The following DENND3 variants were observed in gnomAD, a reference collection of about 807,000 sequenced individuals.
DENND3 encodes the protein DENN domain-containing protein 3.
A neutral mutation model predicts 135.1 loss-of-function variants in DENND3; 88 were observed. The ratio of observed to expected loss-of-function variants is 0.65; its 90% CI spans 0.55 to 0.78. DENND3 has a LOEUF of 0.78. Ranked by LOEUF, DENND3 falls within the 30% of genes least tolerant of loss-of-function variation. DENND3 has a pLI of 0.00. For synonymous variants in DENND3, 693 were observed against 712.3 expected, an observed-to-expected ratio of 0.97 and a Z score of 0.43; for missense variants, 1,392 against 1,688.4, an observed-to-expected ratio of 0.82 and a Z score of 3.08.
rs757432699 is a variant in DENND3, at chr8:141,128,857, C to G, written c.102+48C>G. On this transcript the variant is annotated intron_variant, in intron 1 of 22. Coordinates refer to ENST00000519811, the MANE Select transcript of DENND3 (RefSeq NM_001352890.3). This position sits in a 1 kb window ranked among gnomAD's most constrained non-coding sequence, Gnocchi z 4.5. Reference sequence around the variant, plus strand: ...CGGACGTGGGCCACGAGTCGGCAGCCGGGACAGCAGTCGGAGAGCGGGCGC... The same window carrying G: ...CGGACGTGGGCCACGAGTCGGCAGCGGGGACAGCAGTCGGAGAGCGGGCGC... 15 of 1,311,570 alleles carry G rather than the reference C, an allele frequency of 1.1e-5. No individual in the cohort carries two copies. The South Asian group carries it at 2.2e-4, about 19-fold the overall frequency. The allele number at this position is 1,311,570 out of a possible 1,614,324, so 81.2% of individuals were successfully genotyped here. A position where few individuals can be genotyped will look rare whatever the true frequency, so the allele number is the denominator to read the frequency against.
At position 141,194,015 on chromosome 8, in the gene DENND3, C is replaced by T. The variant is rs1319836316; in HGVS notation, c.3637-18C>T. 1.9e-6 allele frequency: 3 copies of T among 1,611,580 alleles called. No individual in the cohort carries two copies. Among genetic ancestry groups the T allele is most frequent in the South Asian group, 2.2e-5 (2 of 90,456 alleles). On this transcript the variant is annotated intron_variant, in intron 22 of 22. Transcript: ENST00000519811. ...GGGGCTTCTTTCCCTGCTGACCCCTCCCGTTTCTCCCTGGCAGGTCTGGGT... is the reference window on the plus strand; with the variant it reads ...GGGGCTTCTTTCCCTGCTGACCCCTTCCGTTTCTCCCTGGCAGGTCTGGGT...
At position 141,182,281 on chromosome 8, in the gene DENND3, G is replaced by T; in HGVS notation, c.2944+1427G>T. On this transcript the variant is annotated intron_variant, in intron 17 of 22. Coordinates refer to ENST00000519811, the MANE Select transcript of DENND3 (RefSeq NM_001352890.3). The surrounding 1 kb of genome is among the most constrained non-coding windows in gnomAD (Gnocchi z 5.9). ...GGTGGGCAGAGAAGCTGTGTGTGAAGCGATTTCCCCATAAGAGAGTTTTTC... is the reference window on the plus strand; with the variant it reads ...GGTGGGCAGAGAAGCTGTGTGTGAATCGATTTCCCCATAAGAGAGTTTTTC... 1 of 984,640 alleles carries T rather than the reference G, an allele frequency of 1.0e-6. No individual in the cohort carries two copies. Among genetic ancestry groups the T allele is most frequent in the Non-Finnish European group, 1.2e-6 (1 of 829,274 alleles). The allele number at this position is 984,640 out of a possible 1,614,324, so 61.0% of individuals were successfully genotyped here. A position where few individuals can be genotyped will look rare whatever the true frequency, so the allele number is the denominator to read the frequency against.
At position 141,189,075 on chromosome 8, in the gene DENND3, C is replaced by T; in HGVS notation, c.3174C>T (p.Cys1058=). The T allele has an allele frequency of 6.2e-7, 1 of 1,614,200 alleles. No individual in the cohort carries two copies. Among genetic ancestry groups the T allele is most frequent in the Non-Finnish European group, 8.5e-7 (1 of 1,180,032 alleles). Residue 1058 remains cysteine, a synonymous_variant, in exon 19 of 23, where the codon TGC becomes TGT. Transcript: ENST00000519811. ...TCATCAACGTCCACAGCATGTCCTG[C>T]AACAAGCAGCTCACAGCCCACTGCT... ...IYIINVHSMS[C]NKQLTAHCSS...
intron 17 of DENND3, among the ~76,000 whole-genome samples, chr8:141,183,699 C>G (rs936082668): frequency 6.7e-6 from 1 of 149,712 alleles, no homozygotes; most frequent in African/African-American, 2.5e-5. Context: ...TGAGAAGCCA[C>G]TGAAGACGTC....
intron 1 of DENND3, 122 bp from the exon 2 acceptor site, chr8:141,136,387 A>T: frequency 9.6e-7 from 1 of 1,041,570 alleles, no homozygotes; most frequent in Non-Finnish European, 1.3e-6. Context: ...TAGGAGCCTG[A>T]GGCGCCAGTG....
intron 17 of DENND3, 78 bp from the exon 18 acceptor site, chr8:141,185,061 C>G (rs1823716513): frequency 6.5e-7 from 1 of 1,544,556 alleles, no homozygotes; most frequent in Non-Finnish European, 8.8e-7. Context: ...CAGGAGGCAC[C>G]TGAGTAAGGG....
At chr8:141,170,664 G>A (rs1444303553) in intron 13 of DENND3, among the ~76,000 whole-genome samples, 2 of 152,202 alleles carry the variant, frequency 1.3e-5, no homozygotes, top group African/African-American at 4.8e-5. Flanking sequence ...GGCGGGGTGG[G>A]CCCCACTTCC....
chr8:141,192,405 A>C lies in DENND3; in HGVS notation c.3454A>C (p.Lys1152Gln), dbSNP rs1409556817. The change falls in exon 21 of 23, where the codon AAA becomes CAA. Residue 1152 changes from lysine (K) to glutamine (Q), a missense_variant. Lys to Gln is a moderately conservative substitution (Grantham distance 53, BLOSUM62 1). Coordinates refer to ENST00000519811, the MANE Select transcript of DENND3 (RefSeq NM_001352890.3). ...AGAATTGAAGATTGAGGAGAACTTCAAAGACACCAGTACCTCCTTCCTGGC... is the reference window on the plus strand; with the variant it reads ...AGAATTGAAGATTGAGGAGAACTTCCAAGACACCAGTACCTCCTTCCTGGC... ...HQELKIEENFKDTSTSFLAFQ... is the reference protein window; with the variant it reads ...HQELKIEENFQDTSTSFLAFQ... 6.2e-7 allele frequency: 1 copy of C among 1,614,140 alleles called. No homozygotes were observed. The highest frequency in any genetic ancestry group is 1.3e-5 in the African/African-American group (1 of 74,954).
chr8:141,190,449 C>T (rs1232317420), intron 20 of DENND3, 32 bp downstream of exon 20: 2 of 1,577,756 alleles, frequency 1.3e-6, no homozygotes, highest in Admixed American at 3.5e-5. Context: ...AGAGCGGGCA[C>T]CCTACCTCCC....
rs1408090011 is a variant in DENND3 at position 141,189,134 on chromosome 8, A to G, written c.3233A>G (p.Gln1078Arg). ...ACGGATTTGATTGTGCAGGACGGAC[A>G]GGAGGCACCCAGGTGCAGTAAGCTC... The part of the protein sequence containing the change: ...SVTDLIVQDG[Q>R]EAPSNVYSCS... The change falls in exon 19 of 23, where the codon CAG becomes CGG. Residue 1078 changes from glutamine (Q) to arginine (R), a missense_variant. Gln to Arg is a conservative substitution (Grantham distance 43). Transcript: ENST00000519811. The G allele has an allele frequency of 2.5e-6, 4 of 1,614,104 alleles. No homozygotes were observed. Among genetic ancestry groups the G allele is most frequent in the Non-Finnish European group, 3.4e-6 (4 of 1,180,032 alleles).
Position 141,189,002 on chromosome 8 carries a change from C to A in DENND3, c.3101C>A (p.Ala1034Asp), listed in dbSNP as rs960606744. ...GTAKVNCMVM[A>D]DQNQVWVGSE... is the part of the protein sequence containing the mutation. The stretch of plus-strand genomic sequence containing the variant: ...TCCTGTTAGAACTGCATGGTGATGG[C>A]CGACCAGAACCAGGTGTGGGTTGGC... Residue 1034 changes from alanine (A) to aspartate (D), a missense_variant, in exon 19 of 23, where the codon GCC becomes GAC. By Grantham distance (126) the Ala-to-Asp change is moderately radical (BLOSUM62 -2). Coordinates refer to ENST00000519811, the MANE Select transcript of DENND3 (RefSeq NM_001352890.3). 2.5e-6 allele frequency: 4 copies of A among 1,613,646 alleles called. No homozygotes were observed. In the African/African-American group the frequency reaches 5.3e-5, roughly 22 times the overall value.
intron 9 of DENND3, 87 bp downstream of exon 9, chr8:141,160,874 G>A (rs1820054898): frequency 6.6e-7 from 1 of 1,507,130 alleles, no homozygotes; most frequent in East Asian, 2.3e-5. Context: ...GCCCCAGAGG[G>A]CAGGCCATTA....
intron 20 of DENND3, chr8:141,190,632 C>G (rs2288997): frequency 1.1e-5 from 7 of 620,702 alleles, no homozygotes; most frequent in Non-Finnish European, 1.8e-5. Context: ...TTCTACCCAG[C>G]GGCTGACGGG....
At chr8:141,145,833 ATATATATATATATATATGTATTTTT>A (rs1369054779) in intron 5 of DENND3, among the ~76,000 whole-genome samples, 10 of 32,078 alleles carry the variant, frequency 3.1e-4, no homozygotes, top group African/African-American at 1.9e-3. Context: ...ATATATATAT[ATATATATATATATATATGTATTTTT>A]TTTTTTTTGA....
intron 1 of DENND3, among the ~76,000 whole-genome samples, chr8:141,135,446 C>T (rs1055812282): frequency 9.2e-5 from 14 of 152,228 alleles, no homozygotes; most frequent in Admixed American, 6.5e-5. Flanking sequence ...GCCACTGCAC[C>T]CGGCAATGCT....
chr8:141,161,227 G>A (rs989743894), intron 9 of DENND3, among the ~76,000 whole-genome samples: 23 of 152,326 alleles, frequency 1.5e-4, no homozygotes, highest in Admixed American at 9.8e-4. Flanking sequence ...GCTCTGTCCC[G>A]AGAGGCCTGC....
In DENND3 at chr8:141,182,902, C is replaced by T. The variant is rs888144715; in HGVS notation, c.2944+2048C>T. Among the ~76,000 whole-genome samples, 6 of 152,184 alleles carry T rather than the reference C, an allele frequency of 3.9e-5. No homozygotes were observed. The highest frequency in any genetic ancestry group is 1.4e-4 in the African/African-American group (6 of 41,448). On this transcript the variant is annotated intron_variant, in intron 17 of 22. Coordinates refer to ENST00000519811, the MANE Select transcript of DENND3 (RefSeq NM_001352890.3). The surrounding 1 kb of genome is among the most constrained non-coding windows in gnomAD (Gnocchi z 5.9). ...GCCTCTCAGAGACGGCAGTGTCTCA[C>T]CCATGGGAGCAACAGACCACTGGAA...
At position 141,161,046 on chromosome 8, in the gene DENND3, C is replaced by T. The variant is rs80275915; in HGVS notation, c.1352+259C>T. Among the ~76,000 whole-genome samples the T allele has an allele frequency of 1.7e-4, 24 of 139,924 alleles. 1 individual carries two copies. In the East Asian group the frequency reaches 4.9e-3, roughly 29 times the overall value. 91.8% of individuals were successfully genotyped at this position (139,924 alleles called of 152,430 possible). The stretch of plus-strand genomic sequence containing the variant: ...CTGGTGACTGCCTTCCTAACAGCTT[C>T]TCCTGCTGGTGACTGTGCCTTACTA... On this transcript the variant is annotated intron_variant, in intron 9 of 22. Transcript: ENST00000519811.
chr8:141,194,334 A>G lies in DENND3; in HGVS notation c.*101A>G. On this transcript the variant is annotated 3_prime_UTR_variant, in exon 23 of 23. Transcript: ENST00000519811. Reference sequence around the variant, plus strand: ...GAAGCCTGGAGGGGTGGCAGGGCAGAGCAGCCCAGGCTCAGCATGGAGCCC... The same window carrying G: ...GAAGCCTGGAGGGGTGGCAGGGCAGGGCAGCCCAGGCTCAGCATGGAGCCC... The G allele has an allele frequency of 1.4e-6, 2 of 1,403,886 alleles. No homozygotes were observed. The highest frequency in any genetic ancestry group is 1.9e-6 in the Non-Finnish European group (2 of 1,029,302). The allele number at this position is 1,403,886 out of a possible 1,614,324, so 87.0% of individuals were successfully genotyped here.
Sources: allele counts gnomAD v4.1 joint callset (sites outside exome capture counted in the v4.1 genomes callset), GRCh38; gene constraint gnomAD v4.1.1; non-coding constraint Gnocchi (gnomAD v3.1); transcripts MANE v1.5; gene names NCBI Gene and HGNC (gene_info 2026-07-23, HGNC 2026-07-21).